The following ADAM22 variants were observed in gnomAD, a reference collection of about 807,000 sequenced individuals.
ADAM22 encodes ADAM metallopeptidase domain 22.
A neutral mutation model predicts 144.6 loss-of-function variants in ADAM22; 65 were observed. The observed-to-expected ratio is 0.45, with a 90% CI of 0.37 to 0.55. ADAM22 has a LOEUF of 0.55. Ranked by LOEUF, ADAM22 falls within the 20% of genes least tolerant of loss-of-function variation. The pLI is 0.00. For missense variants in ADAM22, 974 were observed against 1,184.9 expected (o/e 0.82, Z 2.61); for synonymous variants, 391 against 412.6 (o/e 0.95, Z 0.63).
At chr7:88,132,424 T>C (rs1464813817) in intron 11 of ADAM22, 1 of 152,938 alleles carries the variant, frequency 6.5e-6, no homozygotes, top group African/African-American at 2.4e-5. Flanking sequence ...TTAATCATCA[T>C]GTCTCTTTAG....
chr7:88,169,626 C>A (rs896955628), intron 25 of ADAM22, among the ~76,000 whole-genome samples: 9 of 152,060 alleles, frequency 5.9e-5, no homozygotes, highest in African/African-American at 2.2e-4. Context: ...AACCTATGGG[C>A]CTCTTTGGTG....
intron 31 of ADAM22, 147 bp downstream of exon 31, chr7:88,193,386 C>T: frequency 2.0e-6 from 2 of 980,326 alleles, no homozygotes; most frequent in Non-Finnish European, 2.9e-6. Context: ...ATTCTTGAGA[C>T]TTTTGGCTTC....
chr7:88,008,174 G>A (rs1479659739), intron 3 of ADAM22, among the ~76,000 whole-genome samples: 4 of 150,928 alleles, frequency 2.7e-5, no homozygotes, highest in Admixed American at 2.6e-4. Flanking sequence ...GGCCATCAGA[G>A]AAATGCAAAT....
rs141425957 is a variant in ADAM22, at chr7:88,179,795, G to T, written c.2495+666G>T. ...AATGAAAAGAAGAAATAAATAGTTG[G>T]CATGTTTTAGGAAATGAGACCTATG... is the stretch of plus-strand genomic sequence containing the variant. On this transcript the variant is annotated intron_variant, in intron 27 of 31. Coordinates refer to ENST00000413139, the MANE Select transcript of ADAM22 (RefSeq NM_001324418.2). Among the ~76,000 whole-genome samples the T allele has an allele frequency of 2.1e-3, 320 of 152,128 alleles. 2 individuals carry two copies. The highest frequency in any genetic ancestry group is 7.5e-3 in the African/African-American group (313 of 41,548).
intron 3 of ADAM22, among the ~76,000 whole-genome samples, chr7:88,004,582 G>T (rs1003612707): frequency 2.0e-5 from 3 of 152,224 alleles, no homozygotes; most frequent in African/African-American, 7.2e-5. Context: ...AAAAGCTTAA[G>T]TAAATTGTGT....
At chr7:88,000,024 A>G (rs1027589782) in intron 3 of ADAM22, among the ~76,000 whole-genome samples, 38 of 152,182 alleles carry the variant, frequency 2.5e-4, no homozygotes, top group African/African-American at 8.2e-4. Context: ...ATAAAATTCC[A>G]TCTCTCAAAA....
At chr7:88,020,763 A>G (rs1797654264) in intron 3 of ADAM22, among the ~76,000 whole-genome samples, 1 of 152,216 alleles carries the variant, frequency 6.6e-6, no homozygotes. Flanking sequence ...GTATTCACAT[A>G]CTATGTAATT....
intron 4 of ADAM22, among the ~76,000 whole-genome samples, chr7:88,103,262 G>T (rs1417657974): frequency 6.6e-6 from 1 of 151,972 alleles, no homozygotes; most frequent in African/African-American, 2.4e-5. Context: ...TCTTTATTAG[G>T]TTTTCCTCAT....
intron 3 of ADAM22, among the ~76,000 whole-genome samples, chr7:88,006,390 A>G (rs1466001971): frequency 6.6e-6 from 1 of 152,014 alleles, no homozygotes; most frequent in East Asian, 1.9e-4. Context: ...AATCCTCCCT[A>G]ACTCATTTTA....
At chr7:88,189,678 G>T (rs1029133989) in intron 30 of ADAM22, among the ~76,000 whole-genome samples, 9 of 152,154 alleles carry the variant, frequency 5.9e-5, no homozygotes, top group African/African-American at 2.2e-4. Context: ...AGGCGCAGTG[G>T]CTCACGCCTG....
At chr7:87,982,501 C>T (rs1049451017) in intron 3 of ADAM22, among the ~76,000 whole-genome samples, 34 of 150,928 alleles carry the variant, frequency 2.3e-4, no homozygotes, top group African/African-American at 6.8e-4. Context: ...TTATTAAATG[C>T]GGTTGGAAAA....
At chr7:88,083,625 GTGT>G in intron 4 of ADAM22, among the ~76,000 whole-genome samples, 1 of 150,726 alleles carries the variant, frequency 6.6e-6, no homozygotes, top group African/African-American at 2.5e-5. Context: ...GTGTGTGTGT[GTGT>G]GTGTGTATGT....
intron 4 of ADAM22, among the ~76,000 whole-genome samples, chr7:88,107,295 T>C (rs997676469): frequency 6.8e-6 from 1 of 146,336 alleles, no homozygotes; most frequent in Non-Finnish European, 1.5e-5. Context: ...TCCACTTCCC[T>C]GGTTCAAGCG....
intron 2 of ADAM22, among the ~76,000 whole-genome samples, chr7:87,963,049 A>G (rs1396334291): frequency 6.6e-6 from 1 of 152,212 alleles, no homozygotes; most frequent in Admixed American, 6.5e-5. Context: ...GTAAGATAAT[A>G]ACATGTCTTT....
At chr7:88,078,890 C>T (rs1243693343) in intron 4 of ADAM22, among the ~76,000 whole-genome samples, 14 of 152,198 alleles carry the variant, frequency 9.2e-5, no homozygotes, top group Non-Finnish European at 1.3e-4. Flanking sequence ...CTGAAAGTGA[C>T]GGGGAGAATG....
At chr7:88,000,291 G>A (rs1792232872) in intron 3 of ADAM22, among the ~76,000 whole-genome samples, 1 of 152,116 alleles carries the variant, frequency 6.6e-6, no homozygotes, top group South Asian at 2.1e-4. Flanking sequence ...AGTACAGAGA[G>A]ATAAAAATAT....
rs769142884 is a variant in ADAM22, at chr7:87,938,122, A to G, written c.246+2936A>G. On this transcript the variant is annotated intron_variant, in intron 2 of 31. Coordinates refer to ENST00000413139, the MANE Select transcript of ADAM22 (RefSeq NM_001324418.2). ...AAGAGCAATCATTGGATTGAAAAACATAAGTTGATTTTTTATGGCCCTTGT... is the reference window on the plus strand; with the variant it reads ...AAGAGCAATCATTGGATTGAAAAACGTAAGTTGATTTTTTATGGCCCTTGT... Among the ~76,000 whole-genome samples, 12 of 151,962 alleles carry G rather than the reference A, an allele frequency of 7.9e-5. No individual in the cohort carries two copies. In the East Asian group the frequency reaches 1.5e-3, roughly 20 times the overall value.
chr7:87,982,204 T>C (rs1246052636), intron 3 of ADAM22, among the ~76,000 whole-genome samples: 1 of 151,864 alleles, frequency 6.6e-6, no homozygotes, highest in Non-Finnish European at 1.5e-5. Flanking sequence ...AAGACTTTAC[T>C]CTTAGGGAAT....
intron 26 of ADAM22, among the ~76,000 whole-genome samples, chr7:88,175,963 G>T (rs1050539633): frequency 9.2e-5 from 14 of 152,112 alleles, no homozygotes; most frequent in African/African-American, 2.2e-4. Context: ...ATTATTATTA[G>T]TAGTAGTATT....
Sources: gnomAD v4.1 joint callset for allele counts (sites outside exome capture counted in the v4.1 genomes callset) on GRCh38, gnomAD v4.1.1 for gene constraint, MANE v1.5 for transcripts, NCBI Gene and HGNC (gene_info 2026-07-23, HGNC 2026-07-21) for gene names.